EIF4G3: variants seen among roughly 807,000 people sequenced by gnomAD.
EIF4G3 encodes the protein eIF-4-gamma 3.
EIF4G3 carries 34 observed loss-of-function variants against 186.4 expected under a neutral mutation model. The observed-to-expected ratio is 0.18, with a 90% CI of 0.14 to 0.24. The LOEUF (loss-of-function observed/expected upper bound fraction) is 0.24, where lower values mean the gene tolerates loss of function less well. Ranked by LOEUF, EIF4G3 falls within the 10% of genes least tolerant of loss-of-function variation. The pLI, the probability that EIF4G3 is intolerant of heterozygous loss-of-function variation, is 1.00. For missense variants in EIF4G3, 1,536 were observed against 1,948.5 expected, an observed-to-expected ratio of 0.79 and a Z score of 3.99; for synonymous variants, 673 against 679.5, an observed-to-expected ratio of 0.99 and a Z score of 0.15.
intron 13 of EIF4G3, among the ~76,000 whole-genome samples, chr1:20,943,715 G>A (rs1490376015): frequency 6.6e-6 from 1 of 152,096 alleles, no homozygotes; most frequent in African/African-American, 2.4e-5. Context: ...TTATGTGAAA[G>A]CAAATATGCA....
intron 14 of EIF4G3, among the ~76,000 whole-genome samples, chr1:20,913,555 T>C (rs1334117391): frequency 1.3e-5 from 2 of 152,214 alleles, no homozygotes; most frequent in East Asian, 3.8e-4. Context: ...CAGATATCTA[T>C]AACACAATTT....
chr1:20,869,349 T>C (rs964402427), intron 20 of EIF4G3, among the ~76,000 whole-genome samples: 3 of 146,844 alleles, frequency 2.0e-5, no homozygotes, highest in Non-Finnish European at 3.0e-5. Context: ...TGTCTCCCTA[T>C]GTTGCCAAGG....
chr1:21,154,539 G>A (rs767913292), intron 2 of EIF4G3, among the ~76,000 whole-genome samples: 10 of 152,200 alleles, frequency 6.6e-5, no homozygotes, highest in East Asian at 3.9e-4. Context: ...AGTAGCCTCC[G>A]CTCCAAATAT....
chr1:20,897,826 C>T (rs2088835621), intron 16 of EIF4G3, among the ~76,000 whole-genome samples: 1 of 151,298 alleles, frequency 6.6e-6, no homozygotes, highest in Admixed American at 6.6e-5. Flanking sequence ...GGTAGTTGGT[C>T]AATTATAGTC....
At chr1:20,973,139 T>C (rs760131263) in intron 10 of EIF4G3, 40 bp from the exon 11 acceptor site, 15 of 1,472,052 alleles carry the variant, frequency 1.0e-5, no homozygotes, top group South Asian at 2.3e-5. Context: ...TTCAGTTATT[T>C]TGTCAAACAC....
chr1:21,075,551 A>C (rs1187470415), intron 3 of EIF4G3, among the ~76,000 whole-genome samples: 3 of 134,504 alleles, frequency 2.2e-5, no homozygotes, highest in African/African-American at 8.4e-5. Context: ...CCTGGGCAAC[A>C]GAGTGAGACT....
intron 35 of EIF4G3, among the ~76,000 whole-genome samples, chr1:20,811,261 T>C (rs1263974699): frequency 6.6e-6 from 1 of 151,656 alleles, no homozygotes; most frequent in Non-Finnish European, 1.5e-5. Flanking sequence ...GCCTTTCTTC[T>C]TCTTCTTCTT....
At chr1:20,972,770 C>T (rs1015027246) in intron 11 of EIF4G3, among the ~76,000 whole-genome samples, 3 of 151,956 alleles carry the variant, frequency 2.0e-5, no homozygotes, top group African/African-American at 7.3e-5. Context: ...TGTCATGTAG[C>T]AAACCTAGCT....
Position 20,817,561 on chromosome 1 carries a change from T to A in EIF4G3, c.4369-23A>T, listed in dbSNP as rs376364963. On this transcript the variant is annotated intron_variant, in intron 33 of 36. Transcript: ENST00000602326. ...CTTCTGAAACATAAAAGGTGGAACA[T>A]ATTAATATATTAATATAATTCTATG... The A allele has an allele frequency of 5.7e-5, 80 of 1,400,272 alleles. No homozygotes were observed. The East Asian group carries it at 2.0e-3, about 35-fold the overall frequency. The allele number at this position is 1,400,272 out of a possible 1,614,324, so 86.7% of individuals were successfully genotyped here. A position where few individuals can be genotyped will look rare whatever the true frequency, so the allele number is the denominator to read the frequency against.
At chr1:21,003,713 G>T in intron 4 of EIF4G3, 2 of 400,428 alleles carry the variant, frequency 5.0e-6, no homozygotes, top group South Asian at 4.0e-5. Flanking sequence ...ATCTCAGGCT[G>T]ATCACTCCAC....
intron 11 of EIF4G3, among the ~76,000 whole-genome samples, chr1:20,971,323 C>T (rs749636330): frequency 7.2e-5 from 11 of 152,180 alleles, no homozygotes; most frequent in Non-Finnish European, 1.6e-4. Flanking sequence ...CTAATGCCAG[C>T]TATTGTTTAG....
intron 2 of EIF4G3, among the ~76,000 whole-genome samples, chr1:21,173,758 G>A (rs569188067): frequency 9.8e-5 from 15 of 152,298 alleles, no homozygotes; most frequent in Non-Finnish European, 1.5e-4. Context: ...CATACTTTGA[G>A]GGTCTGGAGA....
At chr1:21,007,599 T>G (rs1295505609) in intron 4 of EIF4G3, among the ~76,000 whole-genome samples, 2 of 130,302 alleles carry the variant, frequency 1.5e-5, no homozygotes, top group African/African-American at 5.5e-5. Context: ...AAGGTGAGAT[T>G]ATGTACTTAG....
chr1:21,082,911 G>A lies in EIF4G3; in HGVS notation c.-196+6227C>T, dbSNP rs551980593. Among the ~76,000 whole-genome samples the A allele has an allele frequency of 1.5e-3, 234 of 151,328 alleles. 1 individual carries two copies. Among genetic ancestry groups the A allele is most frequent in the African/African-American group, 5.3e-3 (220 of 41,124 alleles). On this transcript the variant is annotated intron_variant, in intron 3 of 36. Transcript: ENST00000602326. The stretch of plus-strand genomic sequence containing the variant: ...AAATTAGCCGGGCGTGTTGGCGGGC[G>A]CCTGTAGTCCCAGCTACTTGGGAGG...
At chr1:21,064,104 G>C (rs1215081081) in intron 3 of EIF4G3, among the ~76,000 whole-genome samples, 1 of 152,076 alleles carries the variant, frequency 6.6e-6, no homozygotes, top group Non-Finnish European at 1.5e-5. Context: ...TCTGCTATTT[G>C]GAACTTGGCA....
chr1:21,154,662 G>A (rs1429335149), intron 2 of EIF4G3, among the ~76,000 whole-genome samples: 1 of 152,152 alleles, frequency 6.6e-6, no homozygotes, highest in Non-Finnish European at 1.5e-5. Context: ...AACACAAATA[G>A]AAGTTCCTTT....
At chr1:20,828,880 C>T (rs561915550) in intron 31 of EIF4G3, among the ~76,000 whole-genome samples, 6 of 152,286 alleles carry the variant, frequency 3.9e-5, no homozygotes, top group Admixed American at 3.9e-4. Context: ...TAGAAGCAGT[C>T]ATCTTCCAGT....
At chr1:20,846,687 C>A (rs1206136661) in intron 29 of EIF4G3, among the ~76,000 whole-genome samples, 3 of 152,058 alleles carry the variant, frequency 2.0e-5, no homozygotes, top group Non-Finnish European at 2.9e-5. Flanking sequence ...CAGTCATAAC[C>A]CCTAAAATGT....
intron 3 of EIF4G3, among the ~76,000 whole-genome samples, chr1:21,054,020 A>T (rs900962220): frequency 2.6e-5 from 4 of 152,114 alleles, no homozygotes; most frequent in Admixed American, 1.3e-4. Flanking sequence ...GGTTTTGTGG[A>T]ATAGAAAGGG....
Sources: allele counts gnomAD v4.1 joint callset (sites outside exome capture counted in the v4.1 genomes callset), GRCh38; gene constraint gnomAD v4.1.1; transcripts MANE v1.5; gene names NCBI Gene and HGNC (gene_info 2026-07-23, HGNC 2026-07-21).